TENM3: variants seen among roughly 807,000 people sequenced by gnomAD.
The protein encoded by TENM3 is teneurin-3.
TENM3 carries 63 observed loss-of-function variants against 255.1 expected under a neutral mutation model. The observed-to-expected ratio is 0.25, with a 90% confidence interval of 0.20 to 0.30. The LOEUF (loss-of-function observed/expected upper bound fraction) is 0.30. TENM3 is among the 10% of genes least tolerant of loss of function. The pLI, the probability that TENM3 is intolerant of heterozygous loss-of-function variation, is 1.00. For missense variants in TENM3, 2,929 were observed against 3,461.1 expected (o/e 0.85, Z 3.86); for synonymous variants, 1,306 against 1,322.3 (o/e 0.99, Z 0.27).
the TENM3 span, among the ~76,000 whole-genome samples, chr4:181,826,458 C>T: frequency 6.6e-6 from 1 of 152,126 alleles, no homozygotes; most frequent in African/African-American, 2.4e-5. Context: ...TTGACAGCTC[C>T]ACTTGTTACA....
chr4:181,612,440 TA>T, the TENM3 span, among the ~76,000 whole-genome samples: 1 of 151,978 alleles, frequency 6.6e-6, no homozygotes, highest in Non-Finnish European at 1.5e-5. Context: ...CTGAGGTCAT[TA>T]ACACCTAATT....
chr4:181,603,913 A>G, the TENM3 span, among the ~76,000 whole-genome samples: 1 of 152,224 alleles, frequency 6.6e-6, no homozygotes. Flanking sequence ...GCCTGGACCT[A>G]TCATAGCTAT....
chr4:182,796,799 T>A lies in TENM3; in HGVS notation c.7344+32T>A. The stretch of plus-strand genomic sequence containing the variant: ...AACAAAAAGACCTACGGAAAGGTGA[T>A]AAGTAGCTTGTGTCTTATCTACCCA... On this transcript the variant is annotated intron_variant, in intron 27 of 27. Transcript: ENST00000511685. 1.9e-6 allele frequency: 3 copies of A among 1,567,672 alleles called. No homozygotes were observed. In the South Asian group the frequency reaches 3.5e-5, roughly 18 times the overall value.
At chr4:182,065,971 A>C in the TENM3 span, among the ~76,000 whole-genome samples, 3 of 152,180 alleles carry the variant, frequency 2.0e-5, no homozygotes, top group Non-Finnish European at 4.4e-5. Flanking sequence ...CTGGTGTGCA[A>C]GTATATGCCT....
chr4:182,552,092 GGGCCT>G, intron 3 of TENM3, among the ~76,000 whole-genome samples: 1 of 151,842 alleles, frequency 6.6e-6, no homozygotes, highest in South Asian at 2.1e-4. Flanking sequence ...CATCAGCTTG[GGGCCT>G]GGCAGCAACT....
the TENM3 span, among the ~76,000 whole-genome samples, chr4:181,742,046 G>A: frequency 3.3e-5 from 5 of 152,158 alleles, no homozygotes; most frequent in African/African-American, 1.2e-4. Context: ...AATTGACATA[G>A]TTCTTCAGAT....
chr4:182,425,937 A>G (rs1002896023), intron 3 of TENM3, among the ~76,000 whole-genome samples: 2 of 144,480 alleles, frequency 1.4e-5, no homozygotes, highest in Non-Finnish European at 3.0e-5. Flanking sequence ...GAACCCGGGA[A>G]GTGGAGGTTG....
At chr4:181,721,810 C>T in the TENM3 span, among the ~76,000 whole-genome samples, 3 of 151,836 alleles carry the variant, frequency 2.0e-5, no homozygotes, top group Non-Finnish European at 4.4e-5. Context: ...TACAAGACAG[C>T]GTGTAGCCTC....
At chr4:182,766,730 G>A (rs1763750573) in intron 22 of TENM3, among the ~76,000 whole-genome samples, 1 of 152,018 alleles carries the variant, frequency 6.6e-6, no homozygotes, top group Non-Finnish European at 1.5e-5. Context: ...ATGTTAGCTG[G>A]GGGGTGTTTG....
chr4:182,232,153 G>A (rs944395222), intron 1 of TENM3, among the ~76,000 whole-genome samples: 2 of 152,024 alleles, frequency 1.3e-5, no homozygotes, highest in East Asian at 1.9e-4. Context: ...TGTCTATTCC[G>A]GGAACTGGCG....
chr4:182,060,462 G>A, the TENM3 span, among the ~76,000 whole-genome samples: 87 of 152,094 alleles, frequency 5.7e-4, no homozygotes, highest in Middle Eastern at 3.4e-3. Flanking sequence ...TAGGATTCAC[G>A]CTTCTGTGAA....
chr4:182,295,256 C>CTTTTTTTTTTTTTTTTTTT (rs1365630117), intron 1 of TENM3, among the ~76,000 whole-genome samples: 1 of 121,536 alleles, frequency 8.2e-6, no homozygotes, highest in African/African-American at 3.4e-5. Flanking sequence ...ATGTGCTTTG[C>CTTTTTTTTTTTTTTTTTTT]TTTTCTTTTT....
the TENM3 span, among the ~76,000 whole-genome samples, chr4:181,697,354 G>A: frequency 6.6e-6 from 1 of 152,062 alleles, no homozygotes; most frequent in African/African-American, 2.4e-5. Context: ...GCATCAAAGT[G>A]TTTCTTCCAT....
chr4:181,831,958 A>G, the TENM3 span, among the ~76,000 whole-genome samples: 1 of 136,116 alleles, frequency 7.3e-6, no homozygotes, highest in South Asian at 2.5e-4. Context: ...AGTAATATAT[A>G]TATATTACAT....
At chr4:181,782,154 T>A in the TENM3 span, among the ~76,000 whole-genome samples, 20 of 152,172 alleles carry the variant, frequency 1.3e-4, no homozygotes, top group Admixed American at 9.2e-4. Flanking sequence ...TAGGGAGGAT[T>A]CCCTCTTTTT....
At chr4:182,593,658 G>A (rs757988358) in intron 3 of TENM3, among the ~76,000 whole-genome samples, 4 of 152,134 alleles carry the variant, frequency 2.6e-5, no homozygotes, top group Non-Finnish European at 4.4e-5. Context: ...TGGAGTCGCT[G>A]CAGTGACACC....
chr4:182,309,969 A>G (rs2675519), intron 1 of TENM3, among the ~76,000 whole-genome samples: 36,896 of 152,156 alleles, frequency 0.24, 4,643 homozygotes, highest in Middle Eastern at 0.28. Flanking sequence ...TCTCCGCTAG[A>G]AAGGTATTGT....
At chr4:182,420,461 G>T (rs144960472) in intron 3 of TENM3, among the ~76,000 whole-genome samples, 1 of 152,258 alleles carries the variant, frequency 6.6e-6, no homozygotes, top group Non-Finnish European at 1.5e-5. Context: ...GCCGCATACG[G>T]ACATAATTTG....
At chr4:182,456,680 G>T (rs947117276) in intron 3 of TENM3, among the ~76,000 whole-genome samples, 2 of 152,136 alleles carry the variant, frequency 1.3e-5, no homozygotes, top group Non-Finnish European at 2.9e-5. Context: ...GACTAAAGTA[G>T]GGAAGAGATA....
Sources: allele counts gnomAD v4.1 joint callset (sites outside exome capture counted in the v4.1 genomes callset), GRCh38; gene constraint gnomAD v4.1.1; transcripts MANE v1.5; gene names NCBI Gene and HGNC (gene_info 2026-07-23, HGNC 2026-07-21).